The following DDX1 variants were observed in gnomAD, a reference collection of about 807,000 sequenced individuals.
The protein encoded by DDX1 is ATP-dependent RNA helicase DDX1.
In DDX1, 28 loss-of-function variants were observed where a neutral mutation model predicts 108.7. That is an observed-to-expected ratio of 0.26 (90% CI 0.19 to 0.35). DDX1 has a LOEUF of 0.35. Among genes scored for constraint, DDX1 ranks in the 10% least tolerant of loss-of-function variants. The pLI is 1.00. For synonymous variants in DDX1, 295 were observed against 288.9 expected (o/e 1.02, Z -0.21); for missense variants, 710 against 884.5 (o/e 0.80, Z 2.50).
chr2:15,604,588 G>A (rs1007136115), intron 10 of DDX1, 79 bp downstream of exon 10: 3 of 940,848 alleles, frequency 3.2e-6, no homozygotes, highest in Non-Finnish European at 3.4e-6. Context: ...CCCCCACCCT[G>A]TTTTTCAAAT....
chr2:15,603,777 T>G (rs756499280), intron 8 of DDX1, 37 bp from the exon 9 acceptor site: 6 of 1,385,240 alleles, frequency 4.3e-6, no homozygotes, highest in South Asian at 3.7e-5. Flanking sequence ...TTTTATATTT[T>G]CTCTTACCAG....
At chr2:15,611,705 C>T (rs1448594229) in intron 13 of DDX1, among the ~76,000 whole-genome samples, 3 of 102,456 alleles carry the variant, frequency 2.9e-5, no homozygotes, top group Admixed American at 9.0e-5. Context: ...CCCCCCACCT[C>T]CCTCCCGGAC....
At chr2:15,611,732 C>T (rs1466686237) in intron 13 of DDX1, among the ~76,000 whole-genome samples, 20 of 80,620 alleles carry the variant, frequency 2.5e-4, no homozygotes, top group African/African-American at 4.9e-4. Context: ...ACTGGCCGGG[C>T]GGGGGGCTGA....
At chr2:15,630,133 T>TA in intron 25 of DDX1, 23 bp downstream of exon 25, 2 of 1,610,240 alleles carry the variant, frequency 1.2e-6, no homozygotes, top group Non-Finnish European at 1.7e-6. Flanking sequence ...TTATTTTAAA[T>TA]ACAATTTTAA....
At chr2:15,594,026 G>A (rs745489287) in intron 1 of DDX1, among the ~76,000 whole-genome samples, 4 of 151,682 alleles carry the variant, frequency 2.6e-5, no homozygotes, top group South Asian at 2.1e-4. Context: ...TGCAGTGAGT[G>A]GAGATCATGC....
chr2:15,608,126 A>G (rs969219150), intron 13 of DDX1, among the ~76,000 whole-genome samples: 3 of 152,192 alleles, frequency 2.0e-5, no homozygotes, highest in African/African-American at 4.8e-5. Flanking sequence ...GCTATACCAT[A>G]TAAGTAATAC....
intron 19 of DDX1, among the ~76,000 whole-genome samples, chr2:15,626,302 A>G (rs1666099703): frequency 6.6e-6 from 1 of 152,158 alleles, no homozygotes; most frequent in Non-Finnish European, 1.5e-5. Context: ...AGTTCTGGTT[A>G]GCTGTTATTT....
intron 10 of DDX1, among the ~76,000 whole-genome samples, chr2:15,605,352 A>G (rs1665645555): frequency 6.6e-6 from 1 of 152,142 alleles, no homozygotes; most frequent in African/African-American, 2.4e-5. Context: ...GAGGAGAACC[A>G]AGAAAGCATG....
In DDX1 at chr2:15,630,968, A is replaced by G. The variant is rs1186522777; in HGVS notation, c.*62A>G. 2 of 1,515,022 alleles carry G rather than the reference A, an allele frequency of 1.3e-6. No homozygotes were observed. Among genetic ancestry groups the G allele is most frequent in the Non-Finnish European group, 1.8e-6 (2 of 1,100,436 alleles). The allele number at this position is 1,515,022 out of a possible 1,614,324, so 93.8% of individuals were successfully genotyped here. On this transcript the variant is annotated 3_prime_UTR_variant, in exon 26 of 26. Transcript: ENST00000233084. Reference sequence around the variant, plus strand: ...GTCTGTAGTCTTAAAACTCTAAAACAGTTGTACTGCTTCCAAGCAGCAGTA... The same window carrying G: ...GTCTGTAGTCTTAAAACTCTAAAACGGTTGTACTGCTTCCAAGCAGCAGTA...
intron 13 of DDX1, among the ~76,000 whole-genome samples, chr2:15,609,734 G>A (rs1665723430): frequency 6.9e-6 from 1 of 144,914 alleles, no homozygotes; most frequent in African/African-American, 2.7e-5. Context: ...GTGGATAAAA[G>A]TAAAAGTATT....
At position 15,606,004 on chromosome 2, in the gene DDX1, T is replaced by A. The variant is rs781409965; in HGVS notation, c.680T>A (p.Leu227His). ...EIPPHMKNQA[L>H]FPACVLKNAE... is the part of the protein sequence containing the mutation. ...CCACCACATATGAAAAACCAAGCCCTCTTTCCTGCCTGTGTTTTGAAGGTA... is the reference window on the plus strand; with the variant it reads ...CCACCACATATGAAAAACCAAGCCCACTTTCCTGCCTGTGTTTTGAAGGTA... Residue 227 changes from leucine (L) to histidine (H), a missense_variant, in exon 11 of 26, where the codon CTC becomes CAC. Transcript: ENST00000233084. 26 of 1,589,526 alleles carry A rather than the reference T, an allele frequency of 1.6e-5. 1 individual carries two copies. The Middle Eastern group carries it at 5.1e-4, about 31-fold the overall frequency.
intron 5 of DDX1, 121 bp from the exon 6 acceptor site, chr2:15,599,548 A>G (rs934147078): frequency 8.5e-6 from 5 of 587,128 alleles, no homozygotes; most frequent in African/African-American, 5.8e-5. Context: ...CCTGACCTCA[A>G]GTGAACCACC....
At position 15,591,942 on chromosome 2, in the gene DDX1, C is replaced by G; in HGVS notation, c.9C>G (p.Ala3=). Reference sequence around the variant, plus strand: ...CGGAGGACGGGGTGAAGATGGCGGCCTTCTCCGGTGCGTTTGTGGAAACTC... The same window carrying G: ...CGGAGGACGGGGTGAAGATGGCGGCGTTCTCCGGTGCGTTTGTGGAAACTC... MA[A]FSEMGVMPEI... is the part of the protein sequence containing the mutation. Residue 3 remains alanine, a synonymous_variant, in exon 1 of 26, where the codon GCC becomes GCG. Coordinates refer to ENST00000233084, the MANE Select transcript of DDX1 (RefSeq NM_004939.3). The G allele has an allele frequency of 6.9e-7, 1 of 1,440,350 alleles. No homozygotes were observed. The highest frequency in any genetic ancestry group is 1.4e-5 in the South Asian group (1 of 69,152). The allele number at this position is 1,440,350 out of a possible 1,614,324, so 89.2% of individuals were successfully genotyped here. A position where few individuals can be genotyped will look rare whatever the true frequency, so the allele number is the denominator to read the frequency against.
chr2:15,620,558 G>A (rs1226021288), intron 17 of DDX1, among the ~76,000 whole-genome samples, 162 bp downstream of exon 17: 2 of 152,110 alleles, frequency 1.3e-5, no homozygotes, highest in African/African-American at 4.8e-5. Flanking sequence ...AATAAGTGAT[G>A]GACTCCATCT....
At chr2:15,600,379 C>T (rs530154886) in intron 6 of DDX1, among the ~76,000 whole-genome samples, 38 of 152,316 alleles carry the variant, frequency 2.5e-4, no homozygotes, top group Non-Finnish European at 4.9e-4. Flanking sequence ...AGGATACTTT[C>T]CTAAAGCAGT....
intron 12 of DDX1, 104 bp from the exon 13 acceptor site, chr2:15,607,068 AATT>A (rs1225967499): frequency 1.1e-5 from 12 of 1,079,740 alleles, no homozygotes; most frequent in South Asian, 1.7e-5. Flanking sequence ...ACTTTTTGAC[AATT>A]ATTATGTAAA....
At chr2:15,611,769 T>C (rs867405657) in intron 13 of DDX1, among the ~76,000 whole-genome samples, 574 of 23,932 alleles carry the variant, frequency 0.024, 44 homozygotes, top group East Asian at 0.1. Context: ...CCGGACGGGG[T>C]GGCTGGCCGG....
At position 15,613,233 on chromosome 2, in the gene DDX1, G is replaced by A; in HGVS notation, c.966G>A (p.Leu322=). Residue 322 remains leucine (L), a synonymous_variant, in exon 14 of 26, where the codon CTG becomes CTA. Transcript: ENST00000233084. The part of the protein sequence containing the change: ...YIDNPKLREL[L]IIGGVAARDQ... The stretch of plus-strand genomic sequence containing the variant: ...TTGATATTTATTTCAGGGAGCTTCT[G>A]ATAATTGGAGGTGTTGCAGCCCGGG... 3.8e-6 allele frequency: 6 copies of A among 1,593,034 alleles called. No homozygotes were observed. The highest frequency in any genetic ancestry group is 5.1e-6 in the Non-Finnish European group (6 of 1,171,442).
At position 15,623,563 on chromosome 2, in the gene DDX1, C is replaced by T; in HGVS notation, c.1575C>T (p.Tyr525=). 6.2e-7 allele frequency: 1 copy of T among 1,613,260 alleles called. No individual in the cohort carries two copies. Among genetic ancestry groups the T allele is most frequent in the Non-Finnish European group, 8.5e-7 (1 of 1,179,464 alleles). ...TKIDCDNLEQ[Y]FIQQGGGPDK... ...TTGACTGTGATAACTTGGAGCAGTA[C>T]TTTATACAACAAGGAGGAGGTAATT... is the stretch of plus-strand genomic sequence containing the variant. Residue 525 remains tyrosine, a synonymous_variant, in exon 19 of 26, where the codon TAC becomes TAT. Transcript: ENST00000233084.
Sources: allele counts gnomAD v4.1 joint callset (sites outside exome capture counted in the v4.1 genomes callset), GRCh38; gene constraint gnomAD v4.1.1; transcripts MANE v1.5; gene names NCBI Gene and HGNC (gene_info 2026-07-23, HGNC 2026-07-21).